The following BPIFC variants were observed in gnomAD, a reference collection of about 807,000 sequenced individuals.
BPIFC encodes BPI fold-containing family C protein.
BPIFC carries 60 observed loss-of-function variants against 57.6 expected under a neutral mutation model. The ratio of observed to expected loss-of-function variants is 1.04; its 90% CI spans 0.85 to 1.29. The LOEUF (loss-of-function observed/expected upper bound fraction) is 1.29. Ranked by LOEUF, BPIFC falls within the 50% of genes most tolerant of loss-of-function variation. BPIFC has a pLI of 0.00. For missense variants in BPIFC, 581 were observed against 600.5 expected, an observed-to-expected ratio of 0.97 and a Z score of 0.34; for synonymous variants, 243 against 224.5, an observed-to-expected ratio of 1.08 and a Z score of -0.74.
intron 12 of BPIFC, 25 bp from the exon 13 acceptor site, chr22:32,431,439 A>ATTTATTTATTTTTTTTTATTTTT: frequency 7.4e-7 from 1 of 1,343,076 alleles, no homozygotes; most frequent in South Asian, 1.2e-5. Context: ...AGCATTTATT[A>ATTTATTTATTTTTTTTTATTTTT]TTAAGACGAG....
At chr22:32,450,304 G>C (rs1387970472) in intron 4 of BPIFC, among the ~76,000 whole-genome samples, 1 of 152,154 alleles carries the variant, frequency 6.6e-6, no homozygotes, top group African/African-American at 2.4e-5. Flanking sequence ...TGTAGCCTAG[G>C]AGCAACAGGC....
intron 13 of BPIFC, among the ~76,000 whole-genome samples, chr22:32,421,270 C>A (rs1212001175): frequency 6.6e-6 from 1 of 152,116 alleles, no homozygotes; most frequent in Admixed American, 6.5e-5. Flanking sequence ...AATAATGATA[C>A]TATGAAGAAA....
chr22:32,438,786 T>C (rs1934482364), intron 8 of BPIFC, among the ~76,000 whole-genome samples: 1 of 152,030 alleles, frequency 6.6e-6, no homozygotes, highest in South Asian at 2.1e-4. Context: ...TGAAAGACTC[T>C]TCAGTTTGAT....
chr22:32,436,802 A>G (rs929713710), intron 9 of BPIFC, among the ~76,000 whole-genome samples: 4 of 152,232 alleles, frequency 2.6e-5, no homozygotes, highest in Non-Finnish European at 5.9e-5. Flanking sequence ...CAAGACTCCA[A>G]ATGGTTTAAG....
intron 4 of BPIFC, among the ~76,000 whole-genome samples, chr22:32,448,480 C>T (rs1934796376): frequency 6.6e-6 from 1 of 152,170 alleles, no homozygotes; most frequent in African/African-American, 2.4e-5. Context: ...CAGAAACGTG[C>T]CTTCCTCCTA....
At chr22:32,448,131 C>T (rs1365320830) in intron 4 of BPIFC, among the ~76,000 whole-genome samples, 10 of 151,212 alleles carry the variant, frequency 6.6e-5, no homozygotes, top group Non-Finnish European at 1.2e-4. Context: ...TGCAGTGGCA[C>T]GATCTCAGCT....
chr22:32,431,426 A>G lies in BPIFC; in HGVS notation c.1150-12T>C, dbSNP rs1362910281. 1.3e-6 allele frequency: 2 copies of G among 1,567,460 alleles called. No homozygotes were observed. Among genetic ancestry groups the G allele is most frequent in the African/African-American group, 1.3e-5 (1 of 74,924 alleles). ...CTGGTACTAGCAACCTATAGACAAT[A>G]AAAGCATTTATTATTAAGACGAGTG... is the stretch of plus-strand genomic sequence containing the variant. On this transcript the variant is annotated splice_polypyrimidine_tract_variant and intron_variant, in intron 12 of 16. Transcript: ENST00000300399.
chr22:32,461,106 C>CA (rs1352823626), intron 2 of BPIFC, among the ~76,000 whole-genome samples: 2 of 151,800 alleles, frequency 1.3e-5, no homozygotes, highest in East Asian at 3.9e-4. Flanking sequence ...ATGGGGAGGA[C>CA]AGGGGATGTC....
At chr22:32,441,491 C>A (rs573934832) in intron 8 of BPIFC, among the ~76,000 whole-genome samples, 20 of 152,140 alleles carry the variant, frequency 1.3e-4, no homozygotes, top group Non-Finnish European at 2.8e-4. Flanking sequence ...AGGTGCTCAG[C>A]GCGCCATTGG....
At chr22:32,414,840 C>G (rs571511362) in intron 16 of BPIFC, among the ~76,000 whole-genome samples, 24 of 152,282 alleles carry the variant, frequency 1.6e-4, no homozygotes, top group African/African-American at 5.3e-4. Context: ...GAGTCAGGCC[C>G]TCCTCTACCC....
rs147869894 is a variant in BPIFC, at chr22:32,418,912, G to A, written c.1260+450C>T. On this transcript the variant is annotated intron_variant, in intron 14 of 16. Transcript: ENST00000300399. ...AGGCTGGGAACCCCCCTCCCACAAA[G>A]GTATCCATACAAGCAGCATTGACCT... Among the ~76,000 whole-genome samples the A allele has an allele frequency of 5.6e-3, 852 of 152,164 alleles. 4 individuals are homozygous for A. Among genetic ancestry groups the A allele is most frequent in the African/African-American group, 0.018 (763 of 41,504 alleles).
intron 8 of BPIFC, among the ~76,000 whole-genome samples, 164 bp downstream of exon 8, chr22:32,442,507 A>T (rs5998492): frequency 2.6e-5 from 4 of 152,034 alleles, no homozygotes; most frequent in African/African-American, 9.7e-5. Context: ...ATATGCCCTA[A>T]GCACAAGGCA....
At position 32,461,649 on chromosome 22, in the gene BPIFC, T is replaced by G; in HGVS notation, c.-76A>C. On this transcript the variant is annotated 5_prime_UTR_variant, in exon 2 of 17. Coordinates refer to ENST00000300399, the MANE Select transcript of BPIFC (RefSeq NM_174932.3). ...TGATCCTTTAGTTGCCCTTGGAGGT[T>G]AGTCAAGGTGTCCTGGAAAGGGGGA... 2 of 985,522 alleles carry G rather than the reference T, an allele frequency of 2.0e-6. No individual in the cohort carries two copies. Among genetic ancestry groups the G allele is most frequent in the Non-Finnish European group, 2.4e-6 (2 of 830,024 alleles). The allele number at this position is 985,522 out of a possible 1,614,324, so 61.0% of individuals were successfully genotyped here.
Position 32,429,509 on chromosome 22 carries a change from G to GTT in BPIFC, c.1217+1836_1217+1837dup, listed in dbSNP as rs780948561. Among the ~76,000 whole-genome samples the GTT allele has an allele frequency of 2.2e-3, 127 of 56,632 alleles. 13 individuals carry two copies. Among genetic ancestry groups the GTT allele is most frequent in the African/African-American group, 5.9e-3 (85 of 14,296 alleles). The allele number at this position is 56,632 out of a possible 152,430, so 37.2% of individuals were successfully genotyped here. A position where few individuals can be genotyped will look rare whatever the true frequency, so the allele number is the denominator to read the frequency against. On this transcript the variant is annotated intron_variant, in intron 13 of 16. Coordinates refer to ENST00000300399, the MANE Select transcript of BPIFC (RefSeq NM_174932.3). ...GCGTGAGCCATGGCAACTGGCCTTT[G>GTT]TTTTTTTTTTTTTTTTTTTTTTTTT...
chr22:32,451,991 C>T (rs1226609413), intron 4 of BPIFC, among the ~76,000 whole-genome samples: 1 of 152,142 alleles, frequency 6.6e-6, no homozygotes, highest in East Asian at 1.9e-4. Flanking sequence ...ACCTTGACCT[C>T]CAGGGCTCCA....
chr22:32,453,649 C>G (rs1934959369), intron 3 of BPIFC, 146 bp from the exon 4 acceptor site: 1 of 1,067,170 alleles, frequency 9.4e-7, no homozygotes, highest in Non-Finnish European at 1.3e-6. Context: ...GTATTATTGT[C>G]TCTGGTTTAC....
intron 2 of BPIFC, among the ~76,000 whole-genome samples, chr22:32,459,460 G>A (rs565740035): frequency 6.6e-6 from 1 of 152,134 alleles, no homozygotes; most frequent in South Asian, 2.1e-4. Flanking sequence ...TCAGGAGATT[G>A]AGACCATCCT....
intron 3 of BPIFC, among the ~76,000 whole-genome samples, chr22:32,454,156 G>A (rs1230490946): frequency 6.6e-6 from 1 of 152,042 alleles, no homozygotes; most frequent in Non-Finnish European, 1.5e-5. Context: ...AAGAACTAGG[G>A]GAGCCAGTGG....
chr22:32,431,442 A>ATTTATTTATTTTTTTTTTTTTTTTTTG, intron 12 of BPIFC, 28 bp from the exon 13 acceptor site: 1 of 1,217,746 alleles, frequency 8.2e-7, no homozygotes, highest in Non-Finnish European at 1.2e-6. Flanking sequence ...ATTTATTATT[A>ATTTATTTATTTTTTTTTTTTTTTTTTG]AGACGAGTGA....
Sources: gnomAD v4.1 joint callset for allele counts (sites outside exome capture counted in the v4.1 genomes callset) on GRCh38, gnomAD v4.1.1 for gene constraint, MANE v1.5 for transcripts, NCBI Gene and HGNC (gene_info 2026-07-23, HGNC 2026-07-21) for gene names.